EEF1AKMT1: variants seen among roughly 807,000 people sequenced by gnomAD.
EEF1AKMT1 encodes N-6 adenine-specific DNA methyltransferase 2 (putative).
In EEF1AKMT1, 18 loss-of-function variants were observed where a neutral mutation model predicts 21.0. The observed-to-expected ratio is 0.86, with a 90% confidence interval of 0.59 to 1.27. EEF1AKMT1 has a LOEUF of 1.27. EEF1AKMT1 is among the 50% of genes most tolerant of loss of function. EEF1AKMT1 has a pLI of 0.00. For synonymous variants in EEF1AKMT1, 109 were observed against 94.8 expected, an observed-to-expected ratio of 1.15 and a Z score of -0.87; for missense variants, 246 against 258.6, an observed-to-expected ratio of 0.95 and a Z score of 0.33.
chr13:20,760,833 A>G (rs1246962151), intron 1 of EEF1AKMT1, among the ~76,000 whole-genome samples: 1 of 152,242 alleles, frequency 6.6e-6, no homozygotes. Context: ...AACAATTTAA[A>G]TTGGCATAAT....
intron 2 of EEF1AKMT1, among the ~76,000 whole-genome samples, chr13:20,739,971 G>T (rs1049099123): frequency 6.6e-6 from 1 of 152,224 alleles, no homozygotes; most frequent in African/African-American, 2.4e-5. Flanking sequence ...ACTGGGCCCC[G>T]CAGAGAAGGG....
At chr13:20,764,813 A>G (rs952860717) in intron 1 of EEF1AKMT1, among the ~76,000 whole-genome samples, 8 of 147,326 alleles carry the variant, frequency 5.4e-5, no homozygotes, top group Admixed American at 4.8e-4. Flanking sequence ...ACCTGCTATC[A>G]ATAAAAGTGC....
intron 2 of EEF1AKMT1, among the ~76,000 whole-genome samples, chr13:20,746,401 T>G (rs976628983): frequency 3.3e-5 from 5 of 152,220 alleles, no homozygotes; most frequent in Non-Finnish European, 7.3e-5. Flanking sequence ...TCCACCTGCC[T>G]TGGCTTCCCA....
Position 20,732,130 on chromosome 13 carries a change from CAAAAT to C in EEF1AKMT1, c.228-14_228-10del. 1 of 1,599,992 alleles carries C rather than the reference CAAAAT, an allele frequency of 6.3e-7. No individual in the cohort carries two copies. Among genetic ancestry groups the C allele is most frequent in the Non-Finnish European group, 8.5e-7 (1 of 1,173,658 alleles). On this transcript the variant is annotated splice_polypyrimidine_tract_variant and intron_variant, in intron 3 of 4. Coordinates refer to ENST00000382758, the MANE Select transcript of EEF1AKMT1 (RefSeq NM_001318939.2). ...CACTCACACATGCGATTCTAGGAGA[CAAAAT>C]GAACACACCATGAAACATCCTTAAC...
intron 2 of EEF1AKMT1, among the ~76,000 whole-genome samples, chr13:20,744,546 G>T (rs1449800060): frequency 6.6e-6 from 1 of 151,972 alleles, no homozygotes; most frequent in Non-Finnish European, 1.5e-5. Context: ...TTTTTTTCTT[G>T]TAAATTTGTT....
rs1478879574 is a variant in EEF1AKMT1, at chr13:20,729,220, A to C, written c.509-4T>G. On this transcript the variant is annotated splice_region_variant and splice_polypyrimidine_tract_variant and intron_variant, in intron 4 of 4. Transcript: ENST00000382758. ...GCCTGTTCTTCCATGATGGCACCTG[A>C]AGAGAACAAAGCAAATGAATCCAGA... is the stretch of plus-strand genomic sequence containing the variant. 3.7e-6 allele frequency: 6 copies of C among 1,614,114 alleles called. No individual in the cohort carries two copies. In the South Asian group the frequency reaches 4.4e-5, roughly 12 times the overall value.
At chr13:20,754,741 C>CAAAAAAAAAAAAAAAAAA (rs56777421) in intron 2 of EEF1AKMT1, among the ~76,000 whole-genome samples, 1 of 116,582 alleles carries the variant, frequency 8.6e-6, no homozygotes. Flanking sequence ...ACCAAAAATA[C>CAAAAAAAAAAAAAAAAAA]AAAAAAAAAA....
chr13:20,770,988 C>A (rs780875261), intron 1 of EEF1AKMT1, among the ~76,000 whole-genome samples: 1 of 151,824 alleles, frequency 6.6e-6, no homozygotes, highest in Admixed American at 6.6e-5. Context: ...CAAGCAATTA[C>A]CCCAGCTCAG....
rs1041377731 is a variant in EEF1AKMT1, at chr13:20,764,302, C to T, written c.-19-6685G>A. Among the ~76,000 whole-genome samples the T allele has an allele frequency of 2.6e-5, 4 of 152,174 alleles. No individual in the cohort carries two copies. The East Asian group carries it at 5.8e-4, about 22-fold the overall frequency. On this transcript the variant is annotated intron_variant, in intron 1 of 4. Coordinates refer to ENST00000382758, the MANE Select transcript of EEF1AKMT1 (RefSeq NM_001318939.2). The stretch of plus-strand genomic sequence containing the variant: ...GTGTACTTTTAAATTTCTCTCTGGC[C>T]CATATATTTAGAAGGACACTGTTTA...
chr13:20,745,813 A>C (rs2058900706), intron 2 of EEF1AKMT1, among the ~76,000 whole-genome samples: 1 of 152,124 alleles, frequency 6.6e-6, no homozygotes, highest in African/African-American at 2.4e-5. Flanking sequence ...GTGCCACTGC[A>C]CTCCAGCCTG....
At chr13:20,741,644 A>G (rs1208484792) in intron 2 of EEF1AKMT1, among the ~76,000 whole-genome samples, 1 of 151,806 alleles carries the variant, frequency 6.6e-6, no homozygotes, top group East Asian at 1.9e-4. Context: ...TTTAGTAGAG[A>G]TGGGGTCTCA....
chr13:20,739,075 C>T (rs12871425), intron 2 of EEF1AKMT1, among the ~76,000 whole-genome samples: 3,163 of 152,206 alleles, frequency 0.021, 53 homozygotes, highest in African/African-American at 0.041. Context: ...GTCGTGGTCT[C>T]GCTGGCTTCA....
Position 20,729,120 on chromosome 13 carries a change from C to A in EEF1AKMT1, c.605G>T (p.Cys202Phe), listed in dbSNP as rs1485250177. 1.9e-6 allele frequency: 3 copies of A among 1,614,220 alleles called. No homozygotes were observed. The South Asian group carries it at 3.3e-5, about 18-fold the overall frequency. The change falls in exon 5 of 5, where the codon TGT (cysteine) becomes TTT (phenylalanine). Residue 202 changes from cysteine (C) to phenylalanine (F), a missense_variant. Coordinates refer to ENST00000382758, the MANE Select transcript of EEF1AKMT1 (RefSeq NM_001318939.2). Reference sequence around the variant, plus strand: ...CAGCCCAGAATCATAATTCACATAACAGCGAAACTCATTTGCCAAGTTCCG... The same window carrying A: ...CAGCCCAGAATCATAATTCACATAAAAGCGAAACTCATTTGCCAAGTTCCG... ...HTRNLANEFR[C>F]YVNYDSGLDC...
chr13:20,758,576 G>A (rs1394266136), intron 1 of EEF1AKMT1, among the ~76,000 whole-genome samples: 1 of 151,792 alleles, frequency 6.6e-6, no homozygotes, highest in African/African-American at 2.4e-5. Context: ...ACAGATGGTC[G>A]ACATAAGAGT....
At position 20,737,784 on chromosome 13, in the gene EEF1AKMT1, T is replaced by C; in HGVS notation, c.166A>G (p.Ser56Gly). Residue 56 changes from serine to glycine, a missense_variant, in exon 3 of 5, where the codon AGT becomes GGT. Coordinates refer to ENST00000382758, the MANE Select transcript of EEF1AKMT1 (RefSeq NM_001318939.2). ...GCCAGCTGCAGAGCAGTTTCCTGAC[T>C]ATACCAAAACTGGCTCAGTTGCTGT... ...ENWQLSQFWY[S>G]QETALQLAQE... 1 of 1,612,890 alleles carries C rather than the reference T, an allele frequency of 6.2e-7. No individual in the cohort carries two copies. The highest frequency in any genetic ancestry group is 1.1e-5 in the South Asian group (1 of 90,736).
intron 1 of EEF1AKMT1, among the ~76,000 whole-genome samples, chr13:20,772,831 GT>G (rs2059069172): frequency 6.6e-6 from 1 of 152,156 alleles, no homozygotes. Flanking sequence ...CAATTTCCAT[GT>G]TATCAAATTT....
At chr13:20,742,941 G>A (rs1044307718) in intron 2 of EEF1AKMT1, among the ~76,000 whole-genome samples, 1 of 152,012 alleles carries the variant, frequency 6.6e-6, no homozygotes, top group East Asian at 1.9e-4. Flanking sequence ...CTTGTTTATG[G>A]TATCTTCTGT....
intron 1 of EEF1AKMT1, among the ~76,000 whole-genome samples, chr13:20,771,915 A>G (rs1252645200): frequency 2.6e-5 from 4 of 152,070 alleles, no homozygotes; most frequent in Admixed American, 2.6e-4. Flanking sequence ...GGAGGCTGAG[A>G]CAGGAGAATC....
intron 1 of EEF1AKMT1, among the ~76,000 whole-genome samples, chr13:20,762,675 G>A (rs927632024): frequency 3.9e-5 from 6 of 151,982 alleles, no homozygotes; most frequent in African/African-American, 1.2e-4. Context: ...CACCATGCCC[G>A]GCTAACATTT....
Sources: gnomAD v4.1 joint callset for allele counts (sites outside exome capture counted in the v4.1 genomes callset) on GRCh38, gnomAD v4.1.1 for gene constraint, MANE v1.5 for transcripts, NCBI Gene and HGNC (gene_info 2026-07-23, HGNC 2026-07-21) for gene names.